The following RGMA variants were observed in gnomAD, a reference collection of about 807,000 sequenced individuals.
The protein encoded by RGMA is repulsive guidance molecule A.
RGMA carries 10 observed loss-of-function variants against 23.2 expected under a neutral mutation model. The ratio of observed to expected loss-of-function variants is 0.43; its 90% confidence interval spans 0.27 to 0.73. RGMA has a LOEUF of 0.73. RGMA is among the 30% of genes least tolerant of loss of function. RGMA has a pLI of 0.20. For synonymous variants in RGMA, 308 were observed against 279.3 expected (o/e 1.10, Z -1.03); for missense variants, 547 against 630.5 (o/e 0.87, Z 1.42).
At position 93,046,414 on chromosome 15, in the gene RGMA, G is replaced by T. The variant is rs150673714; in HGVS notation, c.646-709C>A. 1.9e-3 allele frequency among the ~76,000 whole-genome samples: 287 copies of T among 152,242 alleles called. 1 individual carries two copies. The highest frequency in any genetic ancestry group is 6.5e-3 in the African/African-American group (272 of 41,546). Reference sequence around the variant, plus strand: ...TGATACCTTGATTTTATCCCCACGAGACATATTCCCAACTTCCGGCCTCCA... The same window carrying T: ...TGATACCTTGATTTTATCCCCACGATACATATTCCCAACTTCCGGCCTCCA... On this transcript the variant is annotated intron_variant, in intron 3 of 3. Coordinates refer to ENST00000329082, the MANE Select transcript of RGMA (RefSeq NM_020211.3).
intron 2 of RGMA, chr15:93,065,685 G>T: frequency 8.8e-7 from 1 of 1,141,902 alleles, no homozygotes. Flanking sequence ...CTCTCTGCTG[G>T]AAGTAGGGGT....
chr15:93,066,435 C>G, intron 2 of RGMA: 1 of 624,254 alleles, frequency 1.6e-6, no homozygotes, highest in Non-Finnish European at 3.0e-6. Context: ...CCGTCGTTGC[C>G]AGGGCTGCCG....
chr15:93,052,695 A>T (rs773296171), intron 2 of RGMA, among the ~76,000 whole-genome samples, 188 bp from the exon 3 acceptor site: 1 of 152,080 alleles, frequency 6.6e-6, no homozygotes, highest in African/African-American at 2.4e-5. Flanking sequence ...GCCTATGGCG[A>T]CCCCAAGTGG....
Position 93,045,354 on chromosome 15 carries a change from T to C in RGMA, c.997A>G (p.Asn333Asp), listed in dbSNP as rs781577422. Residue 333 changes from asparagine (N) to aspartate (D), a missense_variant, in exon 4 of 4, where the codon AAT (asparagine) becomes GAT (aspartate). Coordinates refer to ENST00000329082, the MANE Select transcript of RGMA (RefSeq NM_020211.3). This position sits in a 1 kb window ranked among gnomAD's most constrained non-coding sequence, Gnocchi z 6.9. ...QQIDFQAFHT[N>D]AEGTGARRLA... is the part of the protein sequence containing the mutation. ...CTGCGGGCACCGGTGCCCTCAGCAT[T>C]GGTGTGGAAGGCCTGGAAGTCGATC... 2 of 1,611,550 alleles carry C rather than the reference T, an allele frequency of 1.2e-6. No individual in the cohort carries two copies. Among genetic ancestry groups the C allele is most frequent in the Non-Finnish European group, 1.7e-6 (2 of 1,179,426 alleles).
intron 2 of RGMA, among the ~76,000 whole-genome samples, chr15:93,055,669 C>T (rs963905193): frequency 6.6e-6 from 1 of 152,236 alleles, no homozygotes; most frequent in African/African-American, 2.4e-5. Flanking sequence ...TCTTATGACA[C>T]TGTGCTCCCA....
chr15:93,070,678 G>C (rs774629038), intron 2 of RGMA, among the ~76,000 whole-genome samples: 7 of 152,216 alleles, frequency 4.6e-5, no homozygotes, highest in Non-Finnish European at 7.3e-5. Flanking sequence ...TGGAAGCTCA[G>C]TTTTCAGTCA....
In RGMA at chr15:93,043,762, G is replaced by C. The variant is rs1470579763; in HGVS notation, c.*1236C>G. ...TGAGAGGTCCCTGGGGAACAGCAGA[G>C]GGGCTGCCGATGGGTGGGTAGGGTG... On this transcript the variant is annotated 3_prime_UTR_variant, in exon 4 of 4. Coordinates refer to ENST00000329082, the MANE Select transcript of RGMA (RefSeq NM_020211.3). The C allele has an allele frequency of 6.6e-6, 1 of 152,364 alleles. No individual in the cohort carries two copies. The highest frequency in any genetic ancestry group is 6.5e-5 in the Admixed American group (1 of 15,276). The allele number at this position is 152,364 out of a possible 1,614,324, so 9.4% of individuals were successfully genotyped here.
intron 1 of RGMA, among the ~76,000 whole-genome samples, chr15:93,075,667 C>A (rs1895461540): frequency 6.6e-6 from 1 of 152,058 alleles, no homozygotes; most frequent in Non-Finnish European, 1.5e-5. Flanking sequence ...AATATTGTCA[C>A]TCCAAGACTA....
chr15:93,073,912 C>A (rs1895424197), intron 1 of RGMA: 2 of 1,440,572 alleles, frequency 1.4e-6, no homozygotes, highest in South Asian at 2.9e-5. Context: ...TGCCGGTCCG[C>A]GTGGCGCGCA....
chr15:93,076,598 G>C (rs1166980030), intron 1 of RGMA, among the ~76,000 whole-genome samples: 1 of 152,156 alleles, frequency 6.6e-6, no homozygotes, highest in Non-Finnish European at 1.5e-5. Flanking sequence ...TACCAAAAAA[G>C]GTGGTGTCTT....
chr15:93,057,944 CAGAG>C (rs2055040374), intron 2 of RGMA, among the ~76,000 whole-genome samples: 1 of 152,124 alleles, frequency 6.6e-6, no homozygotes, highest in African/African-American at 2.4e-5. Context: ...TTGTTCCTGA[CAGAG>C]AGCACTCGGT....
intron 1 of RGMA, among the ~76,000 whole-genome samples, chr15:93,074,695 C>G (rs560151292): frequency 6.6e-6 from 1 of 152,186 alleles, no homozygotes; most frequent in Non-Finnish European, 1.5e-5. Context: ...AGCCCACCAT[C>G]GAAAATGCTC....
At chr15:93,059,161 A>G (rs1350024610) in intron 2 of RGMA, among the ~76,000 whole-genome samples, 4 of 152,088 alleles carry the variant, frequency 2.6e-5, no homozygotes, top group Non-Finnish European at 4.4e-5. Context: ...GCTTTTCAAG[A>G]TGCTTTTGCC....
At position 93,037,132 on chromosome 15, in the gene RGMA, G is replaced by A. The variant is rs550516336; in HGVS notation, c.*7866C>T. On this transcript the variant is annotated 3_prime_UTR_variant, in exon 4 of 4. Coordinates refer to ENST00000329082, the MANE Select transcript of RGMA (RefSeq NM_020211.3). This position sits in a 1 kb window ranked among gnomAD's most constrained non-coding sequence, Gnocchi z 4.3. ...GAAGAGAACAGCGGCCAGTTACTAA[G>A]AGCACACGGTGGGCCGGCCGCCGCG... The A allele has an allele frequency of 6.6e-6, 1 of 152,354 alleles. No individual in the cohort carries two copies. Among genetic ancestry groups the A allele is most frequent in the South Asian group, 2.1e-4 (1 of 4,828 alleles). 9.4% of individuals were successfully genotyped at this position (152,354 alleles called of 1,614,324 possible). A position where few individuals can be genotyped will look rare whatever the true frequency, so the allele number is the denominator to read the frequency against.
At chr15:93,057,292 C>T (rs190771336) in intron 2 of RGMA, among the ~76,000 whole-genome samples, 6 of 152,284 alleles carry the variant, frequency 3.9e-5, no homozygotes, top group African/African-American at 1.4e-4. Context: ...GTTCTAATCC[C>T]TTATGGGATG....
intron 1 of RGMA, among the ~76,000 whole-genome samples, chr15:93,079,752 G>A (rs775638410): frequency 4.6e-5 from 7 of 152,282 alleles, no homozygotes; most frequent in Non-Finnish European, 1.0e-4. Context: ...CCCAGTAGGC[G>A]GAGGTTGCAG....
At chr15:93,077,024 A>G (rs1191910913) in intron 1 of RGMA, among the ~76,000 whole-genome samples, 2 of 152,196 alleles carry the variant, frequency 1.3e-5, no homozygotes, top group African/African-American at 4.8e-5. Context: ...GGAGTATGCC[A>G]GGGGAAGTTG....
At chr15:93,070,584 C>T (rs1448910781) in intron 2 of RGMA, among the ~76,000 whole-genome samples, 1 of 152,210 alleles carries the variant, frequency 6.6e-6, no homozygotes, top group Non-Finnish European at 1.5e-5. Context: ...CCCATTTCAT[C>T]CCTTACTTAA....
intron 3 of RGMA, among the ~76,000 whole-genome samples, chr15:93,050,037 A>T (rs540287528): frequency 2.8e-4 from 42 of 152,328 alleles, no homozygotes; most frequent in Admixed American, 2.2e-3. Flanking sequence ...CTCCATCCGG[A>T]AACTTGCGCT....
Sources: allele counts gnomAD v4.1 joint callset (sites outside exome capture counted in the v4.1 genomes callset), GRCh38; gene constraint gnomAD v4.1.1; non-coding constraint Gnocchi (gnomAD v3.1); transcripts MANE v1.5; gene names NCBI Gene and HGNC (gene_info 2026-07-23, HGNC 2026-07-21).